The following TP53BP1 variants were observed in gnomAD, a reference collection of about 807,000 sequenced individuals.
TP53BP1 encodes the protein tumor protein p53 binding protein 1, also known as TP53-binding protein 1.
In TP53BP1, 61 loss-of-function variants were observed where a neutral mutation model predicts 200.8. The ratio of observed to expected loss-of-function variants is 0.30; its 90% CI spans 0.25 to 0.38. The LOEUF (loss-of-function observed/expected upper bound fraction) is 0.38. Among genes scored for constraint, TP53BP1 ranks in the 10% least tolerant of loss-of-function variants. The pLI is 1.00. For missense variants in TP53BP1, 2,144 were observed against 2,371.9 expected (o/e 0.90, Z 2.00); for synonymous variants, 822 against 844.3 (o/e 0.97, Z 0.46).
intron 1 of TP53BP1, among the ~76,000 whole-genome samples, chr15:43,507,140 C>T (rs1566973382): frequency 6.9e-6 from 1 of 145,840 alleles, no homozygotes; most frequent in East Asian, 2.0e-4. Flanking sequence ...GTCCAATTCT[C>T]TTTTTTTTTT....
intron 21 of TP53BP1, among the ~76,000 whole-genome samples, chr15:43,417,719 A>G (rs1566918770): frequency 6.6e-6 from 1 of 152,250 alleles, no homozygotes; most frequent in Admixed American, 6.5e-5. Context: ...ATGAGTCACA[A>G]TAAAAGACCC....
At position 43,456,658 on chromosome 15, in the gene TP53BP1, C is replaced by T. The variant is rs761795960; in HGVS notation, c.1950G>A (p.Glu650=). Residue 650 remains glutamate (E), a synonymous_variant, in exon 12 of 28, where the codon GAG becomes GAA. Transcript: ENST00000382044. ...GGTGTTCTTTAATTTCCATAGCTTC[C>T]TCCTGATCTAACACACTAGAAAGTG... ...SEALSSVLDQ[E]EAMEIKEHHP... The T allele has an allele frequency of 6.2e-7, 1 of 1,614,146 alleles. No homozygotes were observed. The highest frequency in any genetic ancestry group is 1.1e-5 in the South Asian group (1 of 91,086).
At position 43,480,027 on chromosome 15, in the gene TP53BP1, A is replaced by G; in HGVS notation, c.500-10T>C. The G allele has an allele frequency of 6.2e-7, 1 of 1,613,088 alleles. No individual in the cohort carries two copies. The highest frequency in any genetic ancestry group is 8.5e-7 in the Non-Finnish European group (1 of 1,179,346). Reference sequence around the variant, plus strand: ...TGTGATGAGGCAGTATCTAGGAACAAAATGCCAAGAAATTAGGTATCATCC... The same window carrying G: ...TGTGATGAGGCAGTATCTAGGAACAGAATGCCAAGAAATTAGGTATCATCC... On this transcript the variant is annotated splice_polypyrimidine_tract_variant and intron_variant, in intron 5 of 27. Coordinates refer to ENST00000382044, the MANE Select transcript of TP53BP1 (RefSeq NM_001141980.3).
chr15:43,480,551 GACT>G (rs533620401), intron 5 of TP53BP1, among the ~76,000 whole-genome samples: 21 of 152,278 alleles, frequency 1.4e-4, no homozygotes, highest in Middle Eastern at 3.4e-3. Flanking sequence ...CTTATAAGGA[GACT>G]ACGTCTGCTT....
chr15:43,427,946 G>T, intron 18 of TP53BP1, 70 bp downstream of exon 18: 3 of 1,132,624 alleles, frequency 2.6e-6, no homozygotes, highest in Non-Finnish European at 3.7e-6. Context: ...AACAAAGTAA[G>T]ACCCTGTCTC....
chr15:43,449,404 A>T (rs1331386567), intron 12 of TP53BP1, among the ~76,000 whole-genome samples: 1 of 152,270 alleles, frequency 6.6e-6, no homozygotes, highest in Non-Finnish European at 1.5e-5. Context: ...TTTCTATGTG[A>T]CATACTATAT....
intron 11 of TP53BP1, among the ~76,000 whole-genome samples, chr15:43,466,906 C>A (rs942469295): frequency 6.6e-6 from 1 of 151,866 alleles, no homozygotes. Flanking sequence ...GAGGTAAATA[C>A]CAAAAGAAAA....
In TP53BP1 at chr15:43,405,147, G is replaced by A; in HGVS notation, c.*2236C>T. The A allele has an allele frequency of 2.5e-6, 4 of 1,599,678 alleles. No homozygotes were observed. The Admixed American group carries it at 5.0e-5, about 20-fold the overall frequency. On this transcript the variant is annotated 3_prime_UTR_variant, in exon 28 of 28. Coordinates refer to ENST00000382044, the MANE Select transcript of TP53BP1 (RefSeq NM_001141980.3). The stretch of plus-strand genomic sequence containing the variant: ...AGGTTATCCTGATTCATATTTCTTT[G>A]AAGGTAGTCTTGGGAAAGCATGACA...
chr15:43,430,022 A>C (rs981540729), intron 17 of TP53BP1, among the ~76,000 whole-genome samples: 1 of 152,222 alleles, frequency 6.6e-6, no homozygotes, highest in African/African-American at 2.4e-5. Context: ...GTCTGAGAGA[A>C]TAAGGAGAAA....
At chr15:43,469,413 A>G (rs1386210073) in intron 11 of TP53BP1, among the ~76,000 whole-genome samples, 2 of 152,206 alleles carry the variant, frequency 1.3e-5, no homozygotes, top group Non-Finnish European at 2.9e-5. Context: ...TGGAAAAAGA[A>G]AATTAAAGTT....
At position 43,486,629 on chromosome 15, in the gene TP53BP1, T is replaced by C. The variant is rs950125846; in HGVS notation, c.371+5040A>G. Reference sequence around the variant, plus strand: ...TATAAGCCCTTTTTACTATTATTTATTTATTTGTTTTTGAGGCAGGGTCTC... The same window carrying C: ...TATAAGCCCTTTTTACTATTATTTACTTATTTGTTTTTGAGGCAGGGTCTC... On this transcript the variant is annotated intron_variant, in intron 4 of 27. Coordinates refer to ENST00000382044, the MANE Select transcript of TP53BP1 (RefSeq NM_001141980.3). Among the ~76,000 whole-genome samples, 14 of 152,056 alleles carry C rather than the reference T, an allele frequency of 9.2e-5. 1 individual carries two copies. The highest frequency in any genetic ancestry group is 2.1e-4 in the Non-Finnish European group (14 of 68,012).
At chr15:43,431,462 C>A (rs2045669414) in intron 17 of TP53BP1, among the ~76,000 whole-genome samples, 1 of 152,116 alleles carries the variant, frequency 6.6e-6, no homozygotes, top group Admixed American at 6.5e-5. Flanking sequence ...CCAGTCTAGT[C>A]TCAAACTCCT....
chr15:43,495,812 G>A (rs1430183346), upstream of TP53BP1, among the ~76,000 whole-genome samples: 2 of 140,454 alleles, frequency 1.4e-5, no homozygotes, highest in African/African-American at 5.3e-5. Flanking sequence ...GTGAGACCCC[G>A]TCTCAAAAAA....
intron 14 of TP53BP1, among the ~76,000 whole-genome samples, chr15:43,442,909 T>A (rs2045963351): frequency 7.9e-6 from 1 of 125,958 alleles, no homozygotes; most frequent in South Asian, 2.8e-4. Flanking sequence ...CACTGCAACC[T>A]CCGCCTCTCG....
intron 14 of TP53BP1, among the ~76,000 whole-genome samples, chr15:43,445,802 T>C (rs1283502059): frequency 6.6e-6 from 1 of 152,142 alleles, no homozygotes; most frequent in East Asian, 1.9e-4. Context: ...CACTTTCTGG[T>C]TAAAGACTGG....
intron 9 of TP53BP1, among the ~76,000 whole-genome samples, chr15:43,475,091 C>G (rs2078860884): frequency 6.6e-6 from 1 of 152,076 alleles, no homozygotes; most frequent in African/African-American, 2.4e-5. Flanking sequence ...AGATTTGAGA[C>G]ATAAAAAAAA....
At chr15:43,447,151 T>G (rs908057993) in intron 13 of TP53BP1, 1 of 555,906 alleles carries the variant, frequency 1.8e-6, no homozygotes, top group African/African-American at 1.9e-5. Context: ...ATTCTCTTTC[T>G]TTCTTACTTC....
intron 16 of TP53BP1, among the ~76,000 whole-genome samples, chr15:43,434,625 A>C (rs561120177): frequency 6.6e-6 from 1 of 152,122 alleles, no homozygotes; most frequent in Non-Finnish European, 1.5e-5. Flanking sequence ...CTTGCCCCCA[A>C]CTGCCATGTG....
chr15:43,474,423 C>T (rs2046804296), intron 10 of TP53BP1, among the ~76,000 whole-genome samples: 2 of 140,088 alleles, frequency 1.4e-5, no homozygotes, highest in Non-Finnish European at 3.0e-5. Context: ...GTGAGGACTG[C>T]CAGCACGCTG....
Sources: gnomAD v4.1 joint callset for allele counts (sites outside exome capture counted in the v4.1 genomes callset) on GRCh38, gnomAD v4.1.1 for gene constraint, MANE v1.5 for transcripts, NCBI Gene and HGNC (gene_info 2026-07-23, HGNC 2026-07-21) for gene names.